The following NWD1 variants were observed in gnomAD, a reference collection of about 807,000 sequenced individuals.
The protein encoded by NWD1 is NACHT and WD repeat domain containing 1.
NWD1 carries 129 observed loss-of-function variants against 135.1 expected under a neutral mutation model. The ratio of observed to expected loss-of-function variants is 0.96; its 90% CI spans 0.83 to 1.11. The LOEUF is 1.11. Among genes scored for constraint, NWD1 ranks in the 50% least tolerant of loss-of-function variants. The pLI, the probability that NWD1 is intolerant of heterozygous loss-of-function variation, is 0.00. For synonymous variants in NWD1, 773 were observed against 786.0 expected (o/e 0.98, Z 0.28); for missense variants, 1,740 against 1,851.3 (o/e 0.94, Z 1.10).
At position 16,731,231 on chromosome 19, in the gene NWD1, A is replaced by G; in HGVS notation, c.34A>G (p.Thr12Ala). 5.9e-6 allele frequency: 9 copies of G among 1,534,932 alleles called. No individual in the cohort carries two copies. Among genetic ancestry groups the G allele is most frequent in the Non-Finnish European group, 7.9e-6 (9 of 1,145,846 alleles). ...AGGGAAGCCCTGCAGAGCACTGCCT[A>G]CCCTGAAGTGCCAGACCTTCTGCCA... ...QRGKPCRALPTLKCQTFCQRH... is the reference protein window; with the variant it reads ...QRGKPCRALPALKCQTFCQRH... The change falls in exon 3 of 19, where the codon ACC (threonine) becomes GCC (alanine). Residue 12 changes from threonine to alanine, a missense_variant. Thr to Ala is a moderately conservative substitution (Grantham distance 58). Coordinates refer to ENST00000524140, the MANE Select transcript of NWD1 (RefSeq NM_001007525.5).
chr19:16,810,792 G>A (rs1418318378), intron 18 of NWD1, among the ~76,000 whole-genome samples: 1 of 152,122 alleles, frequency 6.6e-6, no homozygotes, highest in Admixed American at 6.6e-5. Flanking sequence ...AAACAAAAAT[G>A]AAGAAATTAA....
chr19:16,809,559 C>CTTT (rs55774128), intron 18 of NWD1, among the ~76,000 whole-genome samples: 1 of 123,344 alleles, frequency 8.1e-6, no homozygotes, highest in African/African-American at 3.3e-5. Context: ...TTTTCTTTTT[C>CTTT]TTTTTTTTTT....
At position 16,799,945 on chromosome 19, in the gene NWD1, C is replaced by G; in HGVS notation, c.3519C>G (p.Pro1173=). The G allele has an allele frequency of 6.2e-7, 1 of 1,614,082 alleles. No homozygotes were observed. Among genetic ancestry groups the G allele is most frequent in the Non-Finnish European group, 8.5e-7 (1 of 1,179,980 alleles). The change falls in exon 17 of 19, where the codon CCC becomes CCG. Residue 1173 remains proline, a synonymous_variant. Coordinates refer to ENST00000524140, the MANE Select transcript of NWD1 (RefSeq NM_001007525.5). ...ACATCCTGGAAGGCGTCGGGGCCCC[C>G]GTGAGCCTGCTGGCCCGCGGCGGGG... ...LLDILEGVGA[P]VSLLARGGAL... is the part of the protein sequence containing the mutation.
At chr19:16,794,970 C>T (rs138153903) in intron 15 of NWD1, among the ~76,000 whole-genome samples, 179 of 152,212 alleles carry the variant, frequency 1.2e-3, no homozygotes, top group African/African-American at 3.9e-3. Flanking sequence ...TTAGTACAGA[C>T]GGAGTTTCAC....
At position 16,749,549 on chromosome 19, in the gene NWD1, T is replaced by C; in HGVS notation, c.907T>C (p.Trp303Arg). The change falls in exon 6 of 19, where the codon TGG becomes CGG. Residue 303 changes from tryptophan to arginine, a missense_variant. Physicochemically the swap from Trp to Arg is moderately radical, Grantham distance 101 (BLOSUM62 -3). Coordinates refer to ENST00000524140, the MANE Select transcript of NWD1 (RefSeq NM_001007525.5). ...WLYQEIRHHL[W>R]QSSEVIQTFC... ...CTACCAAGAGATCCGCCACCACCTT[T>C]GGCAGAGCTCGGAGGTCATTCAGAC... 6.2e-7 allele frequency: 1 copy of C among 1,613,116 alleles called. No individual in the cohort carries two copies. Among genetic ancestry groups the C allele is most frequent in the South Asian group, 1.1e-5 (1 of 91,068 alleles).
rs374691800 is a variant in NWD1, at chr19:16,734,999, A to G, written c.82-1635A>G. Among the ~76,000 whole-genome samples the G allele has an allele frequency of 1.6e-4, 24 of 152,208 alleles. No homozygotes were observed. The South Asian group carries it at 5.0e-3, about 32-fold the overall frequency. On this transcript the variant is annotated intron_variant, in intron 3 of 18. Transcript: ENST00000524140. ...ACCTGGTCTTGAACTCCTGGGTTCA[A>G]GCAATCCTCATGCTTCAGCCTCCAG...
chr19:16,810,952 G>A (rs891672058), intron 18 of NWD1, among the ~76,000 whole-genome samples: 2 of 152,042 alleles, frequency 1.3e-5, no homozygotes, highest in Non-Finnish European at 2.9e-5. Context: ...TGTAGCCTCC[G>A]CCTCCTGGGT....
chr19:16,797,280 C>T (rs531382209), intron 15 of NWD1, among the ~76,000 whole-genome samples: 33 of 151,814 alleles, frequency 2.2e-4, no homozygotes, highest in Non-Finnish European at 4.0e-4. Flanking sequence ...CCACCTTCCC[C>T]GTCCTGGATC....
intron 6 of NWD1, among the ~76,000 whole-genome samples, chr19:16,753,299 A>G (rs546041779): frequency 6.6e-6 from 1 of 152,314 alleles, no homozygotes; most frequent in Non-Finnish European, 1.5e-5. Context: ...ATTCCAAAGT[A>G]CAGGGAGACA....
intron 10 of NWD1, 37 bp downstream of exon 10, chr19:16,765,229 G>A (rs765894847): frequency 2.5e-6 from 4 of 1,595,384 alleles, no homozygotes; most frequent in Middle Eastern, 1.7e-4. Flanking sequence ...TGACCAGGAC[G>A]GGCACTGACT....
At chr19:16,755,726 T>TG (rs60426474) in intron 6 of NWD1, among the ~76,000 whole-genome samples, 7,660 of 115,792 alleles carry the variant, frequency 0.066, 245 homozygotes, top group African/African-American at 0.11. Flanking sequence ...TTAGTAGAGA[T>TG]GGGGTCTCAC....
chr19:16,738,746 T>TAG (rs1223188870), intron 4 of NWD1, among the ~76,000 whole-genome samples: 80 of 139,446 alleles, frequency 5.7e-4, no homozygotes, highest in Non-Finnish European at 9.6e-4. Flanking sequence ...ATAATATATA[T>TAG]ATTATATATA....
intron 12 of NWD1, among the ~76,000 whole-genome samples, chr19:16,782,873 T>C (rs1969903142): frequency 6.6e-6 from 1 of 151,734 alleles, no homozygotes; most frequent in African/African-American, 2.4e-5. Context: ...TCTTTCTTTC[T>C]TTCTTTCTTT....
intron 17 of NWD1, among the ~76,000 whole-genome samples, chr19:16,800,400 G>A (rs1429014586): frequency 2.0e-5 from 3 of 150,576 alleles, no homozygotes; most frequent in Admixed American, 6.6e-5. Context: ...CGGGCATGGT[G>A]GCACATGCCT....
In NWD1 at chr19:16,762,317, G is replaced by A. The variant is rs1330826484; in HGVS notation, c.2133+179G>A. On this transcript the variant is annotated intron_variant, in intron 8 of 18. Coordinates refer to ENST00000524140, the MANE Select transcript of NWD1 (RefSeq NM_001007525.5). ...CACTCCTTTTTTTTTTTTTTTTTGA[G>A]ACAGAGTCTTACTCTGTCGCCCAGG... Among the ~76,000 whole-genome samples the A allele has an allele frequency of 6.0e-4, 34 of 56,248 alleles. 1 individual carries two copies. Among genetic ancestry groups the A allele is most frequent in the Non-Finnish European group, 1.1e-3 (30 of 26,646 alleles). 36.9% of individuals were successfully genotyped at this position (56,248 alleles called of 152,430 possible). A position where few individuals can be genotyped will look rare whatever the true frequency, so the allele number is the denominator to read the frequency against.
At chr19:16,747,895 ACTT>A (rs1968390527) in intron 5 of NWD1, among the ~76,000 whole-genome samples, 1 of 152,220 alleles carries the variant, frequency 6.6e-6, no homozygotes, top group African/African-American at 2.4e-5. Context: ...ACCTGTGAGT[ACTT>A]CATCCATTTC....
chr19:16,808,226 C>T, intron 18 of NWD1, 90 bp downstream of exon 18: 1 of 1,241,718 alleles, frequency 8.1e-7, no homozygotes, highest in South Asian at 1.3e-5. Context: ...CACCATGGGC[C>T]ATCGACCAGG....
chr19:16,807,137 T>C (rs141041717), intron 17 of NWD1, among the ~76,000 whole-genome samples: 1 of 146,700 alleles, frequency 6.8e-6, no homozygotes, highest in East Asian at 2.0e-4. Flanking sequence ...GCAGTGAGCT[T>C]CAGTCTCGCC....
chr19:16,782,822 G>A (rs1047877914), intron 12 of NWD1, among the ~76,000 whole-genome samples: 6 of 151,350 alleles, frequency 4.0e-5, no homozygotes, highest in Non-Finnish European at 8.8e-5. Flanking sequence ...CTGTCTTTTG[G>A]TTGTTGTTGG....
Sources: allele counts gnomAD v4.1 joint callset (sites outside exome capture counted in the v4.1 genomes callset), GRCh38; gene constraint gnomAD v4.1.1; transcripts MANE v1.5; gene names NCBI Gene and HGNC (gene_info 2026-07-23, HGNC 2026-07-21).